Variants in TRIP12 observed in about 807,000 individuals in gnomAD.
TRIP12 encodes the protein thyroid hormone receptor interactor 12, also known as E3 ubiquitin-protein ligase TRIP12.
Under a neutral mutation model 244.2 loss-of-function variants are expected in TRIP12, and 25 were observed. The ratio of observed to expected loss-of-function variants is 0.10; its 90% CI spans 0.07 to 0.14. The LOEUF (loss-of-function observed/expected upper bound fraction) is 0.14, where lower values mean the gene tolerates loss of function less well. TRIP12 is among the 10% of genes least tolerant of loss of function. TRIP12 has a pLI of 1.00. For synonymous variants in TRIP12, 905 were observed against 873.1 expected, an observed-to-expected ratio of 1.04 and a Z score of -0.64; for missense variants, 1,677 against 2,486.4, an observed-to-expected ratio of 0.67 and a Z score of 6.92.
At chr2:229,877,130 C>A (rs943657979) in intron 2 of TRIP12, among the ~76,000 whole-genome samples, 1 of 152,058 alleles carries the variant, frequency 6.6e-6, no homozygotes, top group African/African-American at 2.4e-5. Flanking sequence ...CTGGCAGGCG[C>A]CTGTCTTCTC....
chr2:229,777,681 TCTG>T (rs1233279712), intron 36 of TRIP12, among the ~76,000 whole-genome samples: 2 of 152,206 alleles, frequency 1.3e-5, no homozygotes, highest in African/African-American at 2.4e-5. Context: ...TCCACTGTAG[TCTG>T]TATTACTGAA....
intron 15 of TRIP12, among the ~76,000 whole-genome samples, chr2:229,809,220 T>C (rs953715236): frequency 1.3e-5 from 2 of 152,216 alleles, no homozygotes; most frequent in Admixed American, 1.3e-4. Flanking sequence ...ATTTCACAAT[T>C]AGTGATTAAG....
At chr2:229,795,461 A>G (rs1575108980) in intron 25 of TRIP12, 131 bp from the exon 26 acceptor site, 3 of 1,128,404 alleles carry the variant, frequency 2.7e-6, no homozygotes, top group Non-Finnish European at 3.6e-6. Context: ...TTTATGGCAG[A>G]TTTGGTTTGA....
chr2:229,913,634 T>C (rs909770658), intron 1 of TRIP12, among the ~76,000 whole-genome samples: 3 of 152,148 alleles, frequency 2.0e-5, no homozygotes, highest in Admixed American at 6.5e-5. Flanking sequence ...TGCCAACCCC[T>C]GAAAAATGAA....
intron 39 of TRIP12, among the ~76,000 whole-genome samples, chr2:229,770,765 C>A (rs2033963095): frequency 1.3e-5 from 2 of 152,152 alleles, no homozygotes; most frequent in South Asian, 4.1e-4. Context: ...AGGTCTTTCC[C>A]AGGCTATTCT....
chr2:229,803,051 A>C (rs1175603322), intron 20 of TRIP12, among the ~76,000 whole-genome samples: 1 of 152,276 alleles, frequency 6.6e-6, no homozygotes, highest in Non-Finnish European at 1.5e-5. Context: ...ATTGTATACC[A>C]ATATGCATGT....
intron 2 of TRIP12, among the ~76,000 whole-genome samples, chr2:229,872,046 A>G (rs554619383): frequency 4.6e-5 from 7 of 150,948 alleles, no homozygotes; most frequent in Non-Finnish European, 8.8e-5. Flanking sequence ...ATATATCTAC[A>G]TAACGGAAAA....
At chr2:229,772,463 G>T (rs1559299028) in intron 38 of TRIP12, among the ~76,000 whole-genome samples, 3 of 152,058 alleles carry the variant, frequency 2.0e-5, no homozygotes, top group Admixed American at 1.3e-4. Flanking sequence ...AGGGGACTCT[G>T]GTTATTATTA....
chr2:229,809,734 C>G (rs766095007), intron 15 of TRIP12, among the ~76,000 whole-genome samples: 42 of 151,708 alleles, frequency 2.8e-4, no homozygotes, highest in Non-Finnish European at 3.4e-4. Flanking sequence ...GTCTGGAATA[C>G]CAAGTTTGGA....
intron 23 of TRIP12, 62 bp from the exon 24 acceptor site, chr2:229,797,893 A>T: frequency 6.6e-7 from 1 of 1,505,670 alleles, no homozygotes; most frequent in Non-Finnish European, 9.0e-7. Context: ...ATAACTTCTG[A>T]TCAAGGCAAA....
chr2:229,919,004 C>G (rs1192302634), intron 1 of TRIP12, among the ~76,000 whole-genome samples: 2 of 152,152 alleles, frequency 1.3e-5, no homozygotes, highest in Non-Finnish European at 2.9e-5. Context: ...CACAAAGCTA[C>G]TAACTGGTAG....
intron 34 of TRIP12, among the ~76,000 whole-genome samples, chr2:229,782,887 T>C (rs1033781233): frequency 3.9e-5 from 6 of 152,086 alleles, no homozygotes; most frequent in African/African-American, 1.4e-4. Flanking sequence ...GAACCTCCAT[T>C]AAGAGGTTCA....
chr2:229,805,169 T>C (rs1238894912), intron 18 of TRIP12, among the ~76,000 whole-genome samples: 4 of 151,800 alleles, frequency 2.6e-5, no homozygotes, highest in Admixed American at 1.3e-4. Flanking sequence ...CCTCCCAAAG[T>C]GCTGGGATTA....
intron 4 of TRIP12, among the ~76,000 whole-genome samples, chr2:229,858,053 A>T (rs981644394): frequency 1.3e-5 from 2 of 152,210 alleles, no homozygotes; most frequent in Non-Finnish European, 2.9e-5. Flanking sequence ...TCTACACATC[A>T]AGAATATCTC....
Position 229,877,183 on chromosome 2 carries a change from A to G in TRIP12, c.98+2799T>C, listed in dbSNP as rs577381137. Among the ~76,000 whole-genome samples, 19 of 151,592 alleles carry G rather than the reference A, an allele frequency of 1.3e-4. 1 individual carries two copies. The South Asian group carries it at 4.0e-3, about 32-fold the overall frequency. On this transcript the variant is annotated intron_variant, in intron 2 of 41. Coordinates refer to ENST00000675903, the MANE Select transcript of TRIP12 (RefSeq NM_001348323.3). ...TGAGCTATGATTCCATCACTGCACT[A>G]CAGCCAGAAAAATAGAGTTAGACTC...
intron 34 of TRIP12, among the ~76,000 whole-genome samples, chr2:229,783,958 A>T (rs2154251671): frequency 6.6e-6 from 1 of 152,126 alleles, no homozygotes; most frequent in Non-Finnish European, 1.5e-5. Context: ...TAAAAATACA[A>T]AATTAGCTGG....
chr2:229,831,974 G>C (rs956171263), intron 6 of TRIP12, among the ~76,000 whole-genome samples: 2 of 146,714 alleles, frequency 1.4e-5, no homozygotes, highest in East Asian at 2.0e-4. Context: ...GATTGTGACA[G>C]AATGCAAGCC....
At chr2:229,859,919 C>A (rs1490338117) in intron 3 of TRIP12, among the ~76,000 whole-genome samples, 1 of 152,200 alleles carries the variant, frequency 6.6e-6, no homozygotes, top group Admixed American at 6.5e-5. Context: ...TATTCACAAG[C>A]ACAACTGCTT....
intron 26 of TRIP12, among the ~76,000 whole-genome samples, chr2:229,794,600 CCAAA>C (rs1390696652): frequency 7.3e-5 from 11 of 151,600 alleles, no homozygotes; most frequent in Admixed American, 6.6e-4. Flanking sequence ...TAAATAAAAA[CCAAA>C]CAAATTTCCT....
Sources: allele counts gnomAD v4.1 joint callset (sites outside exome capture counted in the v4.1 genomes callset), GRCh38; gene constraint gnomAD v4.1.1; transcripts MANE v1.5; gene names NCBI Gene and HGNC (gene_info 2026-07-23, HGNC 2026-07-21).